RNF180: variants seen among roughly 807,000 people sequenced by gnomAD.
RNF180 encodes E3 ubiquitin-protein ligase RNF180.
In RNF180, 38 loss-of-function variants were observed where a neutral mutation model predicts 59.2. The ratio of observed to expected loss-of-function variants is 0.64; its 90% CI spans 0.50 to 0.84. The LOEUF (loss-of-function observed/expected upper bound fraction) is 0.84, where lower values mean the gene tolerates loss of function less well. Ranked by LOEUF, RNF180 falls within the 40% of genes least tolerant of loss-of-function variation. RNF180 has a pLI of 0.00. For missense variants in RNF180, 705 were observed against 700.9 expected, an observed-to-expected ratio of 1.01 and a Z score of -0.07; for synonymous variants, 262 against 240.3, an observed-to-expected ratio of 1.09 and a Z score of -0.84.
intron 5 of RNF180, among the ~76,000 whole-genome samples, chr5:64,235,621 C>A (rs777396407): frequency 6.6e-6 from 1 of 151,802 alleles, no homozygotes; most frequent in South Asian, 2.1e-4. Flanking sequence ...GAAGTTCTTA[C>A]CACTTTTCCT....
At chr5:64,206,672 G>C (rs1752031925) in intron 2 of RNF180, among the ~76,000 whole-genome samples, 1 of 152,176 alleles carries the variant, frequency 6.6e-6, no homozygotes, top group Non-Finnish European at 1.5e-5. Context: ...TAAAGGTGCA[G>C]TGTGACTATA....
intron 7 of RNF180, among the ~76,000 whole-genome samples, chr5:64,350,581 T>C (rs1412310363): frequency 6.6e-6 from 1 of 152,172 alleles, no homozygotes; most frequent in East Asian, 1.9e-4. Flanking sequence ...GAATGAATTT[T>C]TGTATAAGGT....
chr5:64,327,472 G>C, intron 6 of RNF180, among the ~76,000 whole-genome samples: 1 of 151,794 alleles, frequency 6.6e-6, no homozygotes, highest in East Asian at 1.9e-4. Context: ...AGCTTTTGGC[G>C]TATTATATTT....
chr5:64,287,741 A>G (rs1046421299), intron 5 of RNF180, among the ~76,000 whole-genome samples: 4 of 152,016 alleles, frequency 2.6e-5, no homozygotes, highest in African/African-American at 9.7e-5. Flanking sequence ...GTGTCTGTTT[A>G]TGTCCTTTGC....
chr5:64,247,724 A>G (rs1743281174), intron 5 of RNF180, among the ~76,000 whole-genome samples: 1 of 152,220 alleles, frequency 6.6e-6, no homozygotes, highest in East Asian at 1.9e-4. Flanking sequence ...TCATCAAGCT[A>G]CCATTGACTT....
chr5:64,280,073 T>C (rs1337146393), intron 5 of RNF180, among the ~76,000 whole-genome samples: 1 of 152,200 alleles, frequency 6.6e-6, no homozygotes, highest in Non-Finnish European at 1.5e-5. Flanking sequence ...ACTTAATGAT[T>C]AGTAATGTTG....
chr5:64,366,793 G>A (rs1313759461), intron 7 of RNF180, among the ~76,000 whole-genome samples: 3 of 151,474 alleles, frequency 2.0e-5, no homozygotes, highest in African/African-American at 4.8e-5. Context: ...AAGTGAAAAC[G>A]AAAGGGATAG....
At chr5:64,337,303 C>T (rs189072215) in intron 7 of RNF180, among the ~76,000 whole-genome samples, 43 of 152,224 alleles carry the variant, frequency 2.8e-4, no homozygotes, top group African/African-American at 9.9e-4. Context: ...GCCACCCTGC[C>T]AAGCCTCGCT....
In RNF180 at chr5:64,307,811, GGA is replaced by G. The variant is rs35544992; in HGVS notation, c.1228-17374_1228-17373del. On this transcript the variant is annotated intron_variant, in intron 5 of 7. Transcript: ENST00000389100. ...TGTGAAAAACGGAATGGTTGCATGG[GGA>G]CTTGAAGTATGGTTTCTGCAGAACA... is the stretch of plus-strand genomic sequence containing the variant. Among the ~76,000 whole-genome samples the G allele has an allele frequency of 4.9e-3, 739 of 151,676 alleles. 10 individuals are homozygous for G. Among genetic ancestry groups the G allele is most frequent in the African/African-American group, 0.017 (694 of 41,450 alleles).
At position 64,355,601 on chromosome 5, in the gene RNF180, C is replaced by CA. The variant is rs199819337; in HGVS notation, c.1580-14006dup. On this transcript the variant is annotated intron_variant, in intron 7 of 7. Transcript: ENST00000389100. Reference sequence around the variant, plus strand: ...AGAATTTTAAGGGGTCTTGCATAACCAAAAAAAATCCTGAAAAGAAGTACA... The same window carrying CA: ...AGAATTTTAAGGGGTCTTGCATAACCAAAAAAAAATCCTGAAAAGAAGTACA... 5.0e-3 allele frequency among the ~76,000 whole-genome samples: 758 copies of CA among 151,204 alleles called. 10 individuals carry two copies. Among genetic ancestry groups the CA allele is most frequent in the African/African-American group, 0.017 (707 of 41,314 alleles).
At chr5:64,252,948 A>G (rs1441450555) in intron 5 of RNF180, among the ~76,000 whole-genome samples, 1 of 152,000 alleles carries the variant, frequency 6.6e-6, no homozygotes, top group Non-Finnish European at 1.5e-5. Context: ...ACACACCTCA[A>G]ATGACCTCAT....
chr5:64,330,494 T>G lies in RNF180; in HGVS notation c.1579+88T>G. 7 of 1,193,640 alleles carry G rather than the reference T, an allele frequency of 5.9e-6. 1 individual carries two copies. In the Middle Eastern group the frequency reaches 1.4e-3, roughly 230 times the overall value. 73.9% of individuals were successfully genotyped at this position (1,193,640 alleles called of 1,614,324 possible). A position where few individuals can be genotyped will look rare whatever the true frequency, so the allele number is the denominator to read the frequency against. ...TAACTTCCTGCTGTCTCAGAAATATTAGGGGAAACATATTTCTGTATTAAT... is the reference window on the plus strand; with the variant it reads ...TAACTTCCTGCTGTCTCAGAAATATGAGGGGAAACATATTTCTGTATTAAT... On this transcript the variant is annotated intron_variant, in intron 7 of 7. Transcript: ENST00000389100.
chr5:64,196,061 TTTCC>T (rs1290848755), intron 1 of RNF180, among the ~76,000 whole-genome samples: 3 of 152,200 alleles, frequency 2.0e-5, no homozygotes, highest in African/African-American at 7.2e-5. Context: ...TTGACTTTCT[TTTCC>T]TTGTCAATTT....
At chr5:64,331,207 G>A (rs1176046128) in intron 7 of RNF180, among the ~76,000 whole-genome samples, 1 of 152,206 alleles carries the variant, frequency 6.6e-6, no homozygotes, top group Admixed American at 6.5e-5. Flanking sequence ...TACACCGCTT[G>A]GCAAGAATAG....
chr5:64,366,104 A>G (rs1016232967), intron 7 of RNF180, among the ~76,000 whole-genome samples: 5 of 151,552 alleles, frequency 3.3e-5, no homozygotes, highest in Admixed American at 1.3e-4. Context: ...GTGGGTGATA[A>G]CAGTCTTTCC....
At chr5:64,289,415 TAGGG>T (rs1471625220) in intron 5 of RNF180, among the ~76,000 whole-genome samples, 1 of 152,214 alleles carries the variant, frequency 6.6e-6, no homozygotes, top group Non-Finnish European at 1.5e-5. Context: ...TAAAATGAGT[TAGGG>T]AGGAGTTCCC....
intron 7 of RNF180, among the ~76,000 whole-genome samples, chr5:64,365,366 G>A (rs186412579): frequency 5.9e-4 from 90 of 151,668 alleles, no homozygotes; most frequent in Non-Finnish European, 1.3e-4. Context: ...TGGTCCAGGG[G>A]TGTGGATGTT....
intron 3 of RNF180, among the ~76,000 whole-genome samples, chr5:64,213,090 T>C (rs1266424295): frequency 1.3e-5 from 2 of 152,240 alleles, no homozygotes; most frequent in African/African-American, 4.8e-5. Context: ...TTTGGTTGTA[T>C]GTAAAAAGCC....
chr5:64,223,894 C>A (rs1022690756), intron 5 of RNF180, among the ~76,000 whole-genome samples: 1 of 152,108 alleles, frequency 6.6e-6, no homozygotes, highest in African/African-American at 2.4e-5. Flanking sequence ...TAATCATTTT[C>A]TTGGGTATTT....
Sources: gnomAD v4.1 joint callset for allele counts (sites outside exome capture counted in the v4.1 genomes callset) on GRCh38, gnomAD v4.1.1 for gene constraint, MANE v1.5 for transcripts, NCBI Gene and HGNC (gene_info 2026-07-23, HGNC 2026-07-21) for gene names.